The following ARAP1 variants were observed in gnomAD, a reference collection of about 807,000 sequenced individuals.
ARAP1 encodes the protein arf-GAP with Rho-GAP domain, ANK repeat and PH domain-containing protein 1.
A neutral mutation model predicts 172.2 loss-of-function variants in ARAP1; 76 were observed. That is an observed-to-expected ratio of 0.44 (90% CI 0.37 to 0.53). The LOEUF (loss-of-function observed/expected upper bound fraction) is 0.53. Among genes scored for constraint, ARAP1 ranks in the 20% least tolerant of loss-of-function variants. The pLI is 0.00. For synonymous variants in ARAP1, 804 were observed against 803.3 expected, an observed-to-expected ratio of 1.00 and a Z score of -0.01; for missense variants, 1,686 against 1,977.5, an observed-to-expected ratio of 0.85 and a Z score of 2.80.
At position 72,699,276 on chromosome 11, in the gene ARAP1, CTG is replaced by C. The variant is rs770063783; in HGVS notation, c.2438+139_2438+140del. ...AGTCTTGGGCTGGGGCCTCAAGAGA[CTG>C]GAGTCGGCCCTTGTGCAGCCTCCGT... is the stretch of plus-strand genomic sequence containing the variant. On this transcript the variant is annotated intron_variant, in intron 17 of 34. Coordinates refer to ENST00000393609, the MANE Select transcript of ARAP1 (RefSeq NM_001040118.3). The surrounding 1 kb of genome is among the most constrained non-coding windows in gnomAD (Gnocchi z 4.2). 9.3e-5 allele frequency: 133 copies of C among 1,424,858 alleles called. No individual in the cohort carries two copies. Among genetic ancestry groups the C allele is most frequent in the Non-Finnish European group, 1.2e-4 (128 of 1,047,890 alleles). The allele number at this position is 1,424,858 out of a possible 1,614,324, so 88.3% of individuals were successfully genotyped here. A position where few individuals can be genotyped will look rare whatever the true frequency, so the allele number is the denominator to read the frequency against.
At chr11:72,731,109 C>G (rs909636462) in intron 2 of ARAP1, among the ~76,000 whole-genome samples, 1 of 152,152 alleles carries the variant, frequency 6.6e-6, no homozygotes, top group South Asian at 2.1e-4. Flanking sequence ...GGCAAGGTGA[C>G]AACAGTTATC....
At chr11:72,702,345 C>T (rs1488052748) in intron 15 of ARAP1, among the ~76,000 whole-genome samples, 1 of 152,192 alleles carries the variant, frequency 6.6e-6, no homozygotes, top group Non-Finnish European at 1.5e-5. Context: ...TGAGCTCCAC[C>T]CTCAGTCCTG....
intron 11 of ARAP1, among the ~76,000 whole-genome samples, chr11:72,707,990 G>A (rs916569897): frequency 6.6e-6 from 1 of 151,924 alleles, no homozygotes; most frequent in Non-Finnish European, 1.5e-5. Context: ...AACTCCACTG[G>A]CCCAACATAC....
Position 72,726,488 on chromosome 11 carries a change from G to T in ARAP1, c.509+132C>A. On this transcript the variant is annotated intron_variant, in intron 3 of 34. Transcript: ENST00000393609. This position sits in a 1 kb window ranked among gnomAD's most constrained non-coding sequence, Gnocchi z 6.5. ...ACCAGACAGCAATCCTGTCCTCCGA[G>T]CTTTGCACACGCTGTTCCCCCTGCA... The T allele has an allele frequency of 8.1e-7, 1 of 1,232,148 alleles. No individual in the cohort carries two copies. The allele number at this position is 1,232,148 out of a possible 1,614,324, so 76.3% of individuals were successfully genotyped here.
intron 3 of ARAP1, among the ~76,000 whole-genome samples, chr11:72,719,137 G>T (rs184051792): frequency 6.6e-6 from 1 of 152,168 alleles, no homozygotes; most frequent in Non-Finnish European, 1.5e-5. Flanking sequence ...CCACAGCCGA[G>T]CAAACAAGGC....
In ARAP1 at chr11:72,713,260, T is replaced by TG. The variant is rs751040758; in HGVS notation, c.680-18dup. 26 of 1,613,412 alleles carry TG rather than the reference T, an allele frequency of 1.6e-5. No homozygotes were observed. Among genetic ancestry groups the TG allele is most frequent in the Middle Eastern group, 1.6e-4 (1 of 6,076 alleles). ...CAGAGTCATCTGGTGAGAGAGGGGT[T>TG]GGGGGGCCTCAGGGCAAGGGGCCTG... On this transcript the variant is annotated splice_polypyrimidine_tract_variant and intron_variant, in intron 4 of 34. Coordinates refer to ENST00000393609, the MANE Select transcript of ARAP1 (RefSeq NM_001040118.3).
At chr11:72,731,688 A>C (rs1857874059) in intron 2 of ARAP1, among the ~76,000 whole-genome samples, 1 of 152,206 alleles carries the variant, frequency 6.6e-6, no homozygotes, top group Non-Finnish European at 1.5e-5. Context: ...ACAAAAACAC[A>C]TGACCACATG....
At chr11:72,714,417 G>A (rs1857184166) in intron 3 of ARAP1, 96 bp from the exon 4 acceptor site, 1 of 1,271,202 alleles carries the variant, frequency 7.9e-7, no homozygotes, top group Admixed American at 2.5e-5. Context: ...CAAAACTCAG[G>A]CACTACACAA....
intron 33 of ARAP1, among the ~76,000 whole-genome samples, chr11:72,686,715 G>A (rs924844634): frequency 1.3e-5 from 2 of 152,144 alleles, no homozygotes; most frequent in Non-Finnish European, 2.9e-5. Context: ...CCATGTCCCT[G>A]CCTGGGCTAC....
Position 72,687,733 on chromosome 11 carries a change from C to A in ARAP1, c.4076G>T (p.Gly1359Val). Residue 1359 changes from glycine to valine, a missense_variant, in exon 32 of 35, where the codon GGC becomes GTC. Physicochemically the swap from Gly to Val is moderately radical, Grantham distance 109. This residue lies in a region of ARAP1 where 379 missense variants were observed against 500.1 expected (regional missense o/e 0.76). Coordinates refer to ENST00000393609, the MANE Select transcript of ARAP1 (RefSeq NM_001040118.3). ...KKKLRPPTCW[G>V]FTVVHETEKH... is the part of the protein sequence containing the mutation. The stretch of plus-strand genomic sequence containing the variant: ...CTCTGTCTCATGCACCACTGTGAAG[C>A]CCCAGCTACAGAGGAAGAAGGGAGA... 1 of 1,614,158 alleles carries A rather than the reference C, an allele frequency of 6.2e-7. No homozygotes were observed. Among genetic ancestry groups the A allele is most frequent in the Non-Finnish European group, 8.5e-7 (1 of 1,180,024 alleles).
At chr11:72,700,401 C>T (rs1366918334) in intron 16 of ARAP1, 1 of 152,298 alleles carries the variant, frequency 6.6e-6, no homozygotes, top group Non-Finnish European at 1.5e-5. Context: ...TCAGCAATGA[C>T]CTCACAATGT....
chr11:72,693,419 C>T lies in ARAP1; in HGVS notation c.3860G>A (p.Arg1287His), dbSNP rs747791198. The part of the protein sequence containing the change: ...KHGMMKFRED[R>H]SLLGLGLPSG... ...GGGCAGGCCCAGGCCCAGGAGGCTG[C>T]GGTCCTCACGGAACTTCATCATGCC... The change falls in exon 29 of 35, where the codon CGC becomes CAC. Residue 1287 changes from arginine to histidine, a missense_variant. Physicochemically the swap from Arg to His is conservative, Grantham distance 29 (BLOSUM62 0). Around this residue, in one of 5 missense-constraint regions of ARAP1, gnomAD observed 379 missense variants for 500.1 expected, o/e 0.76. Transcript: ENST00000393609. This position sits in a 1 kb window ranked among gnomAD's most constrained non-coding sequence, Gnocchi z 4.6. 6 of 1,613,756 alleles carry T rather than the reference C, an allele frequency of 3.7e-6. No homozygotes were observed. In the African/African-American group the frequency reaches 4.0e-5, roughly 11 times the overall value.
intron 1 of ARAP1, among the ~76,000 whole-genome samples, chr11:72,746,520 G>A (rs769598438): frequency 7.2e-5 from 11 of 152,174 alleles, no homozygotes; most frequent in Non-Finnish European, 1.3e-4. Flanking sequence ...CTAGAATTTC[G>A]GAAATTCAGA....
chr11:72,697,273 AGGC>A (rs1856248879), intron 21 of ARAP1, 47 bp downstream of exon 21: 8 of 1,567,252 alleles, frequency 5.1e-6, no homozygotes, highest in African/African-American at 4.1e-5. Context: ...CTGGGGCGGG[AGGC>A]GGCTCTCCGG....
chr11:72,710,675 C>T lies in ARAP1; in HGVS notation c.1214-88G>A, dbSNP rs938792412. On this transcript the variant is annotated intron_variant, in intron 9 of 34. Coordinates refer to ENST00000393609, the MANE Select transcript of ARAP1 (RefSeq NM_001040118.3). The surrounding 1 kb of genome is among the most constrained non-coding windows in gnomAD (Gnocchi z 4.3). ...CCCTAGGCTCCTCATGCAACACCTCCTCCAGAAAGCCCACTCAGATGCCCC... is the reference window on the plus strand; with the variant it reads ...CCCTAGGCTCCTCATGCAACACCTCTTCCAGAAAGCCCACTCAGATGCCCC... 4.5e-6 allele frequency: 6 copies of T among 1,340,432 alleles called. No homozygotes were observed. Among genetic ancestry groups the T allele is most frequent in the Middle Eastern group, 5.2e-4 (2 of 3,834 alleles). 83.0% of individuals were successfully genotyped at this position (1,340,432 alleles called of 1,614,324 possible). A position where few individuals can be genotyped will look rare whatever the true frequency, so the allele number is the denominator to read the frequency against.
At position 72,698,052 on chromosome 11, in the gene ARAP1, C is replaced by A; in HGVS notation, c.2596G>T (p.Gly866Ter). ...DLLARDFERL[G>*]RLPYKAGLSL... Reference sequence around the variant, plus strand: ...AGGCCAGCTTTGTAGGGTAGGCGTCCCAGCCGCTCAAAATCCCGGGCCAGC... The same window carrying A: ...AGGCCAGCTTTGTAGGGTAGGCGTCACAGCCGCTCAAAATCCCGGGCCAGC... The change falls in exon 19 of 35, where the codon GGA (glycine) becomes TGA (stop). Residue 866 changes from glycine (G) to a stop codon, truncating the protein, a stop_gained. Transcript: ENST00000393609. LOFTEE classifies it high-confidence loss of function. The A allele has an allele frequency of 6.2e-7, 1 of 1,607,724 alleles. No individual in the cohort carries two copies. Among genetic ancestry groups the A allele is most frequent in the Non-Finnish European group, 8.5e-7 (1 of 1,177,588 alleles).
At chr11:72,744,684 C>A (rs542900140) in intron 1 of ARAP1, among the ~76,000 whole-genome samples, 2 of 152,206 alleles carry the variant, frequency 1.3e-5, no homozygotes, top group Non-Finnish European at 2.9e-5. Context: ...CTTGGAAGAA[C>A]TGGGGAGGGG....
intron 11 of ARAP1, 22 bp downstream of exon 11, chr11:72,709,848 A>G: frequency 6.2e-7 from 1 of 1,611,778 alleles, no homozygotes; most frequent in Non-Finnish European, 8.5e-7. Context: ...GATGCCGGTG[A>G]GCCAAGAAGA....
chr11:72,703,075 A>G lies in ARAP1; in HGVS notation c.1997T>C (p.Leu666Pro). 1 of 1,566,556 alleles carries G rather than the reference A, an allele frequency of 6.4e-7. No homozygotes were observed. The highest frequency in any genetic ancestry group is 8.6e-7 in the Non-Finnish European group (1 of 1,157,926). ...GTCTGTGGTGGTGACTGCAGCACAC[A>G]GGGCCTAGGAAGAGGCAGGGGAGGG... Reference protein sequence around the residue: ...FGNQEELDKALCAAVTTTDLA... With the variant: ...FGNQEELDKAPCAAVTTTDLA... The change falls in exon 15 of 35, where the codon CTG (leucine) becomes CCG (proline). Residue 666 changes from leucine (L) to proline (P), a missense_variant. Physicochemically the swap from Leu to Pro is moderately conservative, Grantham distance 98. This residue lies in a region of ARAP1 where 688 missense variants were observed against 856.9 expected (regional missense o/e 0.80). Coordinates refer to ENST00000393609, the MANE Select transcript of ARAP1 (RefSeq NM_001040118.3).
Sources: gnomAD v4.1 joint callset for allele counts (sites outside exome capture counted in the v4.1 genomes callset) on GRCh38, gnomAD v4.1.1 for gene constraint, gnomAD v4.1.1 regional missense constraint, Gnocchi (gnomAD v3.1) non-coding constraint, MANE v1.5 for transcripts, NCBI Gene and HGNC (gene_info 2026-07-23, HGNC 2026-07-21) for gene names.